The following MTCL3 variants were observed in gnomAD, a reference collection of about 807,000 sequenced individuals.
MTCL3 encodes MTCL family member 3.
At chr6:127,486,406 C>T in the MTCL3 span, among the ~76,000 whole-genome samples, 34 of 152,116 alleles carry the variant, frequency 2.2e-4, no homozygotes, top group African/African-American at 8.2e-4. Context: ...AAAGATGAGA[C>T]ATTTCTATGG....
At chr6:127,499,756 G>A in the MTCL3 span, among the ~76,000 whole-genome samples, 1 of 152,142 alleles carries the variant, frequency 6.6e-6, no homozygotes, top group African/African-American at 2.4e-5. Context: ...CTTTACCCAG[G>A]CTTTCTCCCC....
the MTCL3 span, chr6:127,516,618 T>C: frequency 1.3e-6 from 2 of 1,595,456 alleles, no homozygotes; most frequent in Admixed American, 1.7e-5. Context: ...GACTCATGGC[T>C]ATGAACCTAC....
At chr6:127,478,133 ATT>A in the MTCL3 span, among the ~76,000 whole-genome samples, 3 of 152,172 alleles carry the variant, frequency 2.0e-5, no homozygotes, top group Non-Finnish European at 4.4e-5. Context: ...TTGATGGAAG[ATT>A]TTTTGAGGAT....
chr6:127,511,927 C>T, the MTCL3 span, among the ~76,000 whole-genome samples: 2 of 152,080 alleles, frequency 1.3e-5, no homozygotes, highest in Non-Finnish European at 2.9e-5. Flanking sequence ...ATACCTCAGT[C>T]TGTGGAAAGA....
At chr6:127,480,152 C>T in the MTCL3 span, among the ~76,000 whole-genome samples, 8 of 152,302 alleles carry the variant, frequency 5.3e-5, no homozygotes, top group Admixed American at 2.0e-4. Flanking sequence ...ATGAGCTACT[C>T]CTGGCTTTCA....
the MTCL3 span, chr6:127,515,799 C>T: frequency 1.8e-5 from 29 of 1,608,870 alleles, no homozygotes; most frequent in African/African-American, 2.5e-4. This position sits in a 1 kb window ranked among gnomAD's most constrained non-coding sequence, Gnocchi z 4.3. Flanking sequence ...CCGCGGCCGC[C>T]GCCGCTGCCG....
At chr6:127,491,878 C>CAAAAAAAAAAAAAAAAAAAAAAAAAA in the MTCL3 span, among the ~76,000 whole-genome samples, 1 of 60,774 alleles carries the variant, frequency 1.6e-5, no homozygotes, top group Non-Finnish European at 3.7e-5. Flanking sequence ...GACCCTGTCT[C>CAAAAAAAAAAAAAAAAAAAAAAAAAA]AAAAAAAAAA....
chr6:127,476,473 T>G, the MTCL3 span: 1 of 1,559,278 alleles, frequency 6.4e-7, no homozygotes, highest in South Asian at 1.2e-5. The surrounding 1 kb of genome is among the most constrained non-coding windows in gnomAD (Gnocchi z 4.4). Flanking sequence ...GTCCTCCTCA[T>G]TTGGGGGAAA....
At chr6:127,491,898 A>G in the MTCL3 span, among the ~76,000 whole-genome samples, 1 of 151,704 alleles carries the variant, frequency 6.6e-6, no homozygotes, top group African/African-American at 2.4e-5. Flanking sequence ...AAAAAAAAAA[A>G]AAAAGATGGA....
chr6:127,498,784 A>G, the MTCL3 span, among the ~76,000 whole-genome samples: 1 of 152,204 alleles, frequency 6.6e-6, no homozygotes, highest in African/African-American at 2.4e-5. Context: ...GATGAACCTC[A>G]AAAACACTGG....
chr6:127,516,062 C>T, the MTCL3 span: 2 of 1,528,514 alleles, frequency 1.3e-6, no homozygotes, highest in Non-Finnish European at 1.7e-6. Flanking sequence ...GGAGCGCCCC[C>T]CTCCCTTTCC....
At chr6:127,475,458 C>T in the MTCL3 span, 3 of 1,613,434 alleles carry the variant, frequency 1.9e-6, no homozygotes, top group Non-Finnish European at 2.5e-6. This position sits in a 1 kb window ranked among gnomAD's most constrained non-coding sequence, Gnocchi z 7.3. Flanking sequence ...CCTCCTCGTC[C>T]ATGAGTCCGA....
chr6:127,514,925 G>C, the MTCL3 span: 1 of 1,614,190 alleles, frequency 6.2e-7, no homozygotes, highest in Non-Finnish European at 8.5e-7. Flanking sequence ...GGTACTGCAG[G>C]ATCCGGCAGT....
At chr6:127,479,015 TAAA>T in the MTCL3 span, among the ~76,000 whole-genome samples, 1 of 52,330 alleles carries the variant, frequency 1.9e-5, no homozygotes, top group Non-Finnish European at 3.7e-5. Flanking sequence ...AGACTCCATC[TAAA>T]AAAAAAAAAA....
the MTCL3 span, among the ~76,000 whole-genome samples, chr6:127,501,608 A>G: frequency 1.3e-5 from 2 of 152,222 alleles, no homozygotes; most frequent in African/African-American, 4.8e-5. Context: ...TGGCTACACA[A>G]ATTTAAATAA....
chr6:127,487,478 G>A, the MTCL3 span, among the ~76,000 whole-genome samples: 1 of 152,158 alleles, frequency 6.6e-6, no homozygotes, highest in African/African-American at 2.4e-5. Flanking sequence ...CCTGCTGGAA[G>A]GAAACTGAAA....
the MTCL3 span, among the ~76,000 whole-genome samples, chr6:127,490,600 T>C: frequency 0.21 from 31,359 of 151,580 alleles, 4,751 homozygotes; most frequent in East Asian, 0.64. Flanking sequence ...AGGTGGATCA[T>C]GAGGTCAAGA....
the MTCL3 span, among the ~76,000 whole-genome samples, chr6:127,484,394 T>C: frequency 6.6e-6 from 1 of 152,082 alleles, no homozygotes; most frequent in African/African-American, 2.4e-5. Context: ...ATAATCTTCT[T>C]AGAAAGGAAA....
At chr6:127,510,237 T>C in the MTCL3 span, among the ~76,000 whole-genome samples, 1 of 152,356 alleles carries the variant, frequency 6.6e-6, no homozygotes, top group African/African-American at 2.4e-5. Context: ...TGGTTTTTTG[T>C]AACTCCAAGG....
Sources: gnomAD v4.1 joint callset for allele counts (sites outside exome capture counted in the v4.1 genomes callset) on GRCh38, gnomAD v4.1.1 for gene constraint, Gnocchi (gnomAD v3.1) non-coding constraint, MANE v1.5 for transcripts, NCBI Gene and HGNC (gene_info 2026-07-23, HGNC 2026-07-21) for gene names.